The following IPO11 variants were observed in gnomAD, a reference collection of about 807,000 sequenced individuals.
The protein encoded by IPO11 is importin 11.
A neutral mutation model predicts 143.2 loss-of-function variants in IPO11; 66 were observed. The ratio of observed to expected loss-of-function variants is 0.46; its 90% CI spans 0.38 to 0.57. IPO11 has a LOEUF of 0.57. IPO11 is among the 20% of genes least tolerant of loss of function. The probability of loss-of-function intolerance (pLI) is 0.00; values close to 1 mark genes in which losing one functional copy is unlikely to be tolerated. For missense variants in IPO11, 1,026 were observed against 1,141.0 expected, an observed-to-expected ratio of 0.90 and a Z score of 1.45; for synonymous variants, 385 against 377.8, an observed-to-expected ratio of 1.02 and a Z score of -0.22.
chr5:62,496,345 A>G (rs1357163192), intron 16 of IPO11, among the ~76,000 whole-genome samples: 1 of 152,118 alleles, frequency 6.6e-6, no homozygotes, highest in Non-Finnish European at 1.5e-5. Context: ...CACATGACTA[A>G]TACATTAATA....
chr5:62,601,998 C>G (rs1302365410), intron 29 of IPO11, 150 bp downstream of exon 29: 3 of 480,492 alleles, frequency 6.2e-6, no homozygotes, highest in Admixed American at 8.1e-5. Context: ...TACCCTAAAA[C>G]AGATACATTT....
At chr5:62,511,508 A>G (rs1741746594) in intron 19 of IPO11, among the ~76,000 whole-genome samples, 1 of 152,172 alleles carries the variant, frequency 6.6e-6, no homozygotes, top group Admixed American at 6.5e-5. Context: ...TTATTCACTT[A>G]TATCTTACTG....
intron 5 of IPO11, among the ~76,000 whole-genome samples, chr5:62,464,710 G>A (rs1242183116): frequency 6.6e-6 from 1 of 151,860 alleles, no homozygotes; most frequent in Admixed American, 6.6e-5. Context: ...CTGACCCCAG[G>A]TGATCATCTG....
intron 19 of IPO11, among the ~76,000 whole-genome samples, chr5:62,514,552 G>T (rs1741928831): frequency 6.7e-6 from 1 of 148,996 alleles, no homozygotes; most frequent in Non-Finnish European, 1.5e-5. Flanking sequence ...GTACAGTCCA[G>T]CTTTGGCCCG....
chr5:62,433,445 G>A (rs558883803), intron 1 of IPO11, among the ~76,000 whole-genome samples: 6 of 152,216 alleles, frequency 3.9e-5, no homozygotes, highest in African/African-American at 1.2e-4. Flanking sequence ...TACTCTGGGC[G>A]CCAACTGGTA....
chr5:62,477,388 A>G (rs1745998228), intron 9 of IPO11, among the ~76,000 whole-genome samples: 1 of 152,186 alleles, frequency 6.6e-6, no homozygotes, highest in African/African-American at 2.4e-5. Flanking sequence ...CTTTTTAATT[A>G]AAGATTCAAT....
chr5:62,442,212 G>A (rs1486451876), intron 2 of IPO11, among the ~76,000 whole-genome samples: 2 of 152,120 alleles, frequency 1.3e-5, no homozygotes, highest in Non-Finnish European at 2.9e-5. Context: ...TTATTTCATA[G>A]CATGTATTAA....
rs1314892001 is a variant in IPO11, at chr5:62,435,052, ATATATATATG to A, written c.-6-2200_-6-2191del. ...AAAAAAAATATATATGTATATGTGT[ATATATATATG>A]TATATATATGTATATATATGTGTAT... On this transcript the variant is annotated intron_variant, in intron 1 of 29. Transcript: ENST00000325324. 1.1e-3 allele frequency among the ~76,000 whole-genome samples: 135 copies of A among 123,138 alleles called. 2 individuals carry two copies. Among genetic ancestry groups the A allele is most frequent in the South Asian group, 5.4e-3 (23 of 4,240 alleles). The allele number at this position is 123,138 out of a possible 152,430, so 80.8% of individuals were successfully genotyped here.
At chr5:62,568,717 A>G (rs1744040691) in intron 27 of IPO11, among the ~76,000 whole-genome samples, 1 of 152,064 alleles carries the variant, frequency 6.6e-6, no homozygotes, top group East Asian at 1.9e-4. Flanking sequence ...GCACATCTCC[A>G]TCTTTTCAGG....
chr5:62,462,080 TTAATATCTA>T (rs1745380620), intron 5 of IPO11, among the ~76,000 whole-genome samples: 1 of 152,170 alleles, frequency 6.6e-6, no homozygotes, highest in Admixed American at 6.5e-5. Flanking sequence ...AACTTTGCCA[TTAATATCTA>T]TAAATCTTAC....
intron 28 of IPO11, among the ~76,000 whole-genome samples, chr5:62,592,253 A>G (rs550215059): frequency 1.6e-4 from 25 of 152,204 alleles, no homozygotes; most frequent in Middle Eastern, 3.4e-3. Context: ...ATTTTAGTCT[A>G]TAAGTCTTTT....
chr5:62,455,922 G>A (rs767488328), intron 5 of IPO11, among the ~76,000 whole-genome samples: 6 of 151,964 alleles, frequency 3.9e-5, no homozygotes, highest in African/African-American at 9.7e-5. Context: ...ATAGGGTTTC[G>A]TCATGTTGCC....
intron 4 of IPO11, among the ~76,000 whole-genome samples, chr5:62,451,295 G>A (rs1465894439): frequency 7.2e-5 from 11 of 151,990 alleles, no homozygotes; most frequent in Non-Finnish European, 1.3e-4. Flanking sequence ...AAAAATATTC[G>A]TGTAAAAAAT....
At chr5:62,538,136 G>A (rs1742801225) in intron 24 of IPO11, among the ~76,000 whole-genome samples, 1 of 152,166 alleles carries the variant, frequency 6.6e-6, no homozygotes, top group Non-Finnish European at 1.5e-5. Context: ...TAGCATTATG[G>A]TGTGAAAATC....
intron 27 of IPO11, among the ~76,000 whole-genome samples, chr5:62,587,877 A>G (rs925126421): frequency 6.6e-6 from 1 of 152,168 alleles, no homozygotes; most frequent in Non-Finnish European, 1.5e-5. Context: ...GTGGAGCGAC[A>G]ATTTGAGGCC....
intron 1 of IPO11, among the ~76,000 whole-genome samples, chr5:62,436,935 CATT>C (rs1296011638): frequency 6.6e-6 from 1 of 152,186 alleles, no homozygotes; most frequent in African/African-American, 2.4e-5. Flanking sequence ...AGACAGAAGA[CATT>C]ATGCTTAGTC....
At chr5:62,469,098 A>T (rs1745670547) in intron 6 of IPO11, among the ~76,000 whole-genome samples, 1 of 152,184 alleles carries the variant, frequency 6.6e-6, no homozygotes, top group Non-Finnish European at 1.5e-5. Context: ...TTTCCCTGAG[A>T]AAGTGATCTT....
At chr5:62,610,586 C>G (rs75912412) in intron 29 of IPO11, among the ~76,000 whole-genome samples, 1 of 152,188 alleles carries the variant, frequency 6.6e-6, no homozygotes, top group Non-Finnish European at 1.5e-5. Context: ...ACACTCCATT[C>G]TTTTAAGACT....
At chr5:62,428,655 A>G (rs142262206) in intron 1 of IPO11, among the ~76,000 whole-genome samples, 1 of 152,124 alleles carries the variant, frequency 6.6e-6, no homozygotes, top group Non-Finnish European at 1.5e-5. Context: ...AGTCACATTA[A>G]AAAAAGATTG....
Sources: allele counts gnomAD v4.1 joint callset (sites outside exome capture counted in the v4.1 genomes callset), GRCh38; gene constraint gnomAD v4.1.1; transcripts MANE v1.5; gene names NCBI Gene and HGNC (gene_info 2026-07-23, HGNC 2026-07-21).